The following ATP11A variants were observed in gnomAD, a reference collection of about 807,000 sequenced individuals.
ATP11A encodes the protein ATPase phospholipid transporting 11A, also known as phospholipid-transporting ATPase IH.
Under a neutral mutation model 154.4 loss-of-function variants are expected in ATP11A, and 81 were observed. The ratio of observed to expected loss-of-function variants is 0.52; its 90% CI spans 0.44 to 0.63. The LOEUF (loss-of-function observed/expected upper bound fraction) is 0.63. ATP11A is among the 30% of genes least tolerant of loss of function. The pLI, the probability that ATP11A is intolerant of heterozygous loss-of-function variation, is 0.00. For synonymous variants in ATP11A, 623 were observed against 585.9 expected (o/e 1.06, Z -0.91); for missense variants, 1,316 against 1,474.3 (o/e 0.89, Z 1.76).
chr13:112,861,226 T>C (rs936723746), intron 24 of ATP11A, among the ~76,000 whole-genome samples: 1 of 152,196 alleles, frequency 6.6e-6, no homozygotes, highest in Non-Finnish European at 1.5e-5. Context: ...GTCCCTCCCA[T>C]GATGCGTGGG....
At position 112,759,346 on chromosome 13, in the gene ATP11A, C is replaced by T. The variant is rs186700996; in HGVS notation, c.40-25789C>T. Among the ~76,000 whole-genome samples the T allele has an allele frequency of 1.6e-3, 251 of 152,318 alleles. 1 individual carries two copies. Among genetic ancestry groups the T allele is most frequent in the Admixed American group, 3.5e-3 (54 of 15,302 alleles). ...TCACCTGGGAGCAGTCTTGTTCCAG[C>T]CACCCGCAACACACTTGGCAGAGTC... On this transcript the variant is annotated intron_variant, in intron 1 of 29. Transcript: ENST00000375645.
intron 1 of ATP11A, among the ~76,000 whole-genome samples, chr13:112,752,356 G>A (rs1340547530): frequency 6.6e-6 from 1 of 152,214 alleles, no homozygotes; most frequent in East Asian, 1.9e-4. Context: ...ACCTGTTTGA[G>A]CACAGGAGTG....
intron 2 of ATP11A, among the ~76,000 whole-genome samples, chr13:112,789,662 A>C (rs548508106): frequency 1.4e-5 from 2 of 146,684 alleles, no homozygotes; most frequent in Admixed American, 6.9e-5. Flanking sequence ...GTGGAGACCT[A>C]CTTAATTCAC....
intron 1 of ATP11A, among the ~76,000 whole-genome samples, chr13:112,762,709 T>G (rs2076990726): frequency 6.6e-6 from 1 of 152,160 alleles, no homozygotes; most frequent in African/African-American, 2.4e-5. Context: ...CGAAACCCAG[T>G]TATGCTCAGC....
At chr13:112,880,486 C>G (rs906580145) in intron 29 of ATP11A, 15 of 1,249,758 alleles carry the variant, frequency 1.2e-5, no homozygotes, top group African/African-American at 1.5e-5. Flanking sequence ...GGCAGAGGCC[C>G]GAGCACTCCT....
chr13:112,775,837 C>T (rs1012707899), intron 1 of ATP11A, among the ~76,000 whole-genome samples: 1 of 152,152 alleles, frequency 6.6e-6, no homozygotes, highest in African/African-American at 2.4e-5. Flanking sequence ...GCAGGGCGGG[C>T]GCGACTTAGT....
intron 16 of ATP11A, among the ~76,000 whole-genome samples, chr13:112,836,558 G>GC (rs1490293987): frequency 6.6e-6 from 1 of 152,158 alleles, no homozygotes; most frequent in Non-Finnish European, 1.5e-5. Context: ...AAGTTCCTCT[G>GC]CCCATCCCTA....
intron 1 of ATP11A, among the ~76,000 whole-genome samples, chr13:112,761,839 T>G (rs2076971573): frequency 6.6e-6 from 1 of 152,192 alleles, no homozygotes; most frequent in Non-Finnish European, 1.5e-5. Flanking sequence ...ATTCTAGCTG[T>G]GCTTTTAGAA....
intron 2 of ATP11A, among the ~76,000 whole-genome samples, chr13:112,792,931 A>G (rs1255413301): frequency 6.6e-6 from 1 of 152,252 alleles, no homozygotes; most frequent in East Asian, 1.9e-4. Flanking sequence ...AAGAAAGTTG[A>G]ATCCTTCTGG....
Position 112,831,381 on chromosome 13 carries a change from T to C in ATP11A, c.1228T>C (p.Tyr410His), listed in dbSNP as rs200537725. ...TGCTGTGCCCTGCCCGCAGGTGGAG[T>C]ACATCTTCACAGACAAGACCGGCAC... ...DLNEELGQVE[Y>H]IFTDKTGTLT... Residue 410 changes from tyrosine to histidine, a missense_variant, in exon 13 of 30, where the codon TAC becomes CAC. Physicochemically the swap from Tyr to His is moderately conservative, Grantham distance 83. This residue lies in a region of ATP11A where 876 missense variants were observed against 1,006.8 expected (regional missense o/e 0.87). Transcript: ENST00000375645. 1 of 1,613,422 alleles carries C rather than the reference T, an allele frequency of 6.2e-7. No individual in the cohort carries two copies. Among genetic ancestry groups the C allele is most frequent in the Non-Finnish European group, 8.5e-7 (1 of 1,179,600 alleles).
chr13:112,785,279 T>A lies in ATP11A; in HGVS notation c.162+22T>A. 1 of 1,430,266 alleles carries A rather than the reference T, an allele frequency of 7.0e-7. No homozygotes were observed. The highest frequency in any genetic ancestry group is 9.2e-7 in the Non-Finnish European group (1 of 1,083,562). 88.6% of individuals were successfully genotyped at this position (1,430,266 alleles called of 1,614,324 possible). Reference sequence around the variant, plus strand: ...CAAGGTAACTTGGCTTGGGTCTGAGTGTCCATAATGTGTCTAAAAAGCAGC... The same window carrying A: ...CAAGGTAACTTGGCTTGGGTCTGAGAGTCCATAATGTGTCTAAAAAGCAGC... On this transcript the variant is annotated intron_variant, in intron 2 of 29. Coordinates refer to ENST00000375645, the MANE Select transcript of ATP11A (RefSeq NM_015205.3). The surrounding 1 kb of genome is among the most constrained non-coding windows in gnomAD (Gnocchi z 4.8).
chr13:112,756,829 G>GCGCGGGGCCTGCTCC (rs2076848518), intron 1 of ATP11A, among the ~76,000 whole-genome samples: 1 of 151,918 alleles, frequency 6.6e-6, no homozygotes, highest in African/African-American at 2.4e-5. Context: ...TCTGCTCCCA[G>GCGCGGGGCCTGCTCC]CACGGGGCCT....
chr13:112,781,131 G>A (rs140054451), intron 1 of ATP11A, among the ~76,000 whole-genome samples: 324 of 152,168 alleles, frequency 2.1e-3, no homozygotes, highest in Non-Finnish European at 4.0e-3. Context: ...CTCCACCTCC[G>A]GGTTCAAGCG....
intron 13 of ATP11A, 26 bp from the exon 14 acceptor site, chr13:112,832,834 G>A (rs2140254115): frequency 6.2e-7 from 1 of 1,605,906 alleles, no homozygotes; most frequent in Non-Finnish European, 8.5e-7. Context: ...CGTGATTTGG[G>A]GGTTCTGGGA....
chr13:112,840,400 CCT>C (rs2079373851), intron 16 of ATP11A, among the ~76,000 whole-genome samples: 1 of 92,126 alleles, frequency 1.1e-5, no homozygotes, highest in Non-Finnish European at 2.2e-5. Context: ...ATCCCCCCTG[CCT>C]CAGCCTCCTT....
chr13:112,871,944 C>A, intron 26 of ATP11A, 144 bp downstream of exon 26: 1 of 831,262 alleles, frequency 1.2e-6, no homozygotes, highest in Non-Finnish European at 2.0e-6. Flanking sequence ...GCTCCTGGGG[C>A]ACCCCTGGGC....
chr13:112,802,043 T>C (rs962967342), intron 2 of ATP11A, among the ~76,000 whole-genome samples: 5 of 152,140 alleles, frequency 3.3e-5, no homozygotes, highest in Non-Finnish European at 7.4e-5. Flanking sequence ...GTGGTGTTGC[T>C]GAAAGAATAG....
intron 1 of ATP11A, chr13:112,703,359 G>C (rs1196093827): frequency 6.6e-6 from 1 of 152,192 alleles, no homozygotes; most frequent in East Asian, 1.9e-4. Flanking sequence ...ACCTCGTAAA[G>C]GCCCAATCTT....
At chr13:112,834,006 T>C (rs1173005864) in intron 14 of ATP11A, among the ~76,000 whole-genome samples, 1 of 152,236 alleles carries the variant, frequency 6.6e-6, no homozygotes, top group African/African-American at 2.4e-5. Flanking sequence ...TGCTGGCCTC[T>C]CGCATCCCAA....
Sources: gnomAD v4.1 joint callset for allele counts (sites outside exome capture counted in the v4.1 genomes callset) on GRCh38, gnomAD v4.1.1 for gene constraint, gnomAD v4.1.1 regional missense constraint, Gnocchi (gnomAD v3.1) non-coding constraint, MANE v1.5 for transcripts, NCBI Gene and HGNC (gene_info 2026-07-23, HGNC 2026-07-21) for gene names.